The following CYFIP1 variants were observed in gnomAD, a reference collection of about 807,000 sequenced individuals.
The protein encoded by CYFIP1 is cytoplasmic FMR1 interacting protein 1, also known as cytoplasmic FMR1-interacting protein 1.
Under a neutral mutation model 163.5 loss-of-function variants are expected in CYFIP1, and 58 were observed. That is an observed-to-expected ratio of 0.35 (90% CI 0.29 to 0.44). CYFIP1 has a LOEUF of 0.44. Among genes scored for constraint, CYFIP1 ranks in the 20% least tolerant of loss-of-function variants. The probability of loss-of-function intolerance (pLI) is 1.00; values close to 1 mark genes in which losing one functional copy is unlikely to be tolerated. For missense variants in CYFIP1, 1,338 were observed against 1,653.8 expected, an observed-to-expected ratio of 0.81 and a Z score of 3.31; for synonymous variants, 663 against 660.7, an observed-to-expected ratio of 1.00 and a Z score of -0.05.
At chr15:22,928,653 A>G (rs923004844) in intron 11 of CYFIP1, among the ~76,000 whole-genome samples, 19 of 152,208 alleles carry the variant, frequency 1.2e-4, no homozygotes, top group African/African-American at 4.6e-4. Context: ...CTTCTATCAA[A>G]TAACCACCCC....
At position 22,867,186 on chromosome 15, in the gene CYFIP1, C is replaced by G; in HGVS notation, c.*2842G>C. The G allele has an allele frequency of 2.3e-6, 1 of 435,396 alleles. No homozygotes were observed. The highest frequency in any genetic ancestry group is 4.0e-6 in the Non-Finnish European group (1 of 249,012). 27.0% of individuals were successfully genotyped at this position (435,396 alleles called of 1,614,324 possible). ...ATTGGTGATGAAAGTCTGAAATGTG[C>G]ATTTGTCATCCCCACTCCATCAATC... On this transcript the variant is annotated 3_prime_UTR_variant, in exon 31 of 31. Transcript: ENST00000617928.
rs1489986504 is a variant in CYFIP1, at chr15:22,869,527, A to G, written c.*501T>C. The G allele has an allele frequency of 2.0e-5, 3 of 152,426 alleles. No individual in the cohort carries two copies. The highest frequency in any genetic ancestry group is 2.1e-4 in the South Asian group (1 of 4,842). 9.4% of individuals were successfully genotyped at this position (152,426 alleles called of 1,614,324 possible). A position where few individuals can be genotyped will look rare whatever the true frequency, so the allele number is the denominator to read the frequency against. The stretch of plus-strand genomic sequence containing the variant: ...TGATGTCACGTTAGATTTTGTCACA[A>G]CTGGATTTAGTGGAAGCAGGGGAAT... On this transcript the variant is annotated 3_prime_UTR_variant, in exon 31 of 31. Coordinates refer to ENST00000617928, the MANE Select transcript of CYFIP1 (RefSeq NM_014608.6).
At position 22,926,093 on chromosome 15, in the gene CYFIP1, A is replaced by G. The variant is rs759197442; in HGVS notation, c.1248T>C (p.Leu416=). 5 of 1,614,120 alleles carry G rather than the reference A, an allele frequency of 3.1e-6. No homozygotes were observed. The highest frequency in any genetic ancestry group is 4.2e-6 in the Non-Finnish European group (5 of 1,179,988). The change falls in exon 13 of 31, where the codon CTT becomes CTC. Residue 416 remains leucine, a synonymous_variant. Coordinates refer to ENST00000617928, the MANE Select transcript of CYFIP1 (RefSeq NM_014608.6). ...AHVMEVYSWK[L]VHPTDKYSNK... Reference sequence around the variant, plus strand: ...TGGAGTACTTGTCGGTGGGGTGCACAAGCTTCCAGGAATACTGTGGTGGCC... The same window carrying G: ...TGGAGTACTTGTCGGTGGGGTGCACGAGCTTCCAGGAATACTGTGGTGGCC...
intron 1 of CYFIP1, among the ~76,000 whole-genome samples, chr15:22,956,951 C>T (rs772910912): frequency 5.3e-5 from 8 of 152,266 alleles, no homozygotes; most frequent in Non-Finnish European, 8.8e-5. Context: ...GAGCTTTTCA[C>T]AGGGACCGAA....
At position 22,881,904 on chromosome 15, in the gene CYFIP1, C is replaced by T. The variant is rs200604107; in HGVS notation, c.2853G>A (p.Thr951=). ...LQGTILQYVK[T]LMEVMPKICR... is the part of the protein sequence containing the mutation. ...AGATCTTGGGCATCACCTCCATCAG[C>T]GTCTTCACGTACTGCAGGATTGTGC... The change falls in exon 25 of 31, where the codon ACG becomes ACA. Residue 951 remains threonine (T), a synonymous_variant. Transcript: ENST00000617928. 28 of 1,612,578 alleles carry T rather than the reference C, an allele frequency of 1.7e-5. No homozygotes were observed. The East Asian group carries it at 1.8e-4, about 10-fold the overall frequency.
chr15:22,934,868 C>CA (rs57985770), intron 9 of CYFIP1, among the ~76,000 whole-genome samples: 65,834 of 150,500 alleles, frequency 0.44, 15,011 homozygotes, highest in Middle Eastern at 0.6. Flanking sequence ...CAACAGCATC[C>CA]AAAAAAAAAT....
At position 22,943,369 on chromosome 15, in the gene CYFIP1, C is replaced by A. The variant is rs369274411; in HGVS notation, c.388-15G>T. The A allele has an allele frequency of 1.9e-6, 3 of 1,611,744 alleles. No homozygotes were observed. The African/African-American group carries it at 4.0e-5, about 22-fold the overall frequency. On this transcript the variant is annotated splice_polypyrimidine_tract_variant and intron_variant, in intron 5 of 30. Coordinates refer to ENST00000617928, the MANE Select transcript of CYFIP1 (RefSeq NM_014608.6). ...ATGGCATTTCTCTGTGCAGAGGAAG[C>A]AGGAGGGCAGAAAGCTGCAGGTCAG...
chr15:22,870,316 CT>C, intron 30 of CYFIP1, 124 bp from the exon 31 acceptor site: 1 of 1,216,300 alleles, frequency 8.2e-7, no homozygotes, highest in East Asian at 2.6e-5. Flanking sequence ...GACACACATA[CT>C]GTTCTTTTTG....
chr15:22,912,288 G>T lies in CYFIP1; in HGVS notation c.1986-13C>A. ...GTAGAGCACGTACCTGCAGAGGACA[G>T]CAGCAGTGTGACCAGCAGCCTCTGC... On this transcript the variant is annotated splice_polypyrimidine_tract_variant and intron_variant, in intron 17 of 30. Coordinates refer to ENST00000617928, the MANE Select transcript of CYFIP1 (RefSeq NM_014608.6). 6.3e-7 allele frequency: 1 copy of T among 1,595,250 alleles called. No individual in the cohort carries two copies. Among genetic ancestry groups the T allele is most frequent in the Non-Finnish European group, 8.6e-7 (1 of 1,168,946 alleles).
Position 22,963,546 on chromosome 15 carries a change from T to TAAC in CYFIP1, c.-6-16258_-6-16256dup, listed in dbSNP as rs201277584. ...TAACATAACATAACATAACATAACATAACATAACATAAGAAAGAATGAAAT... is the reference window on the plus strand; with the variant it reads ...TAACATAACATAACATAACATAACATAACAACATAACATAAGAAAGAATGAAAT... On this transcript the variant is annotated intron_variant, in intron 1 of 30. Transcript: ENST00000617928. Among the ~76,000 whole-genome samples the TAAC allele has an allele frequency of 2.2e-3, 293 of 134,736 alleles. 5 individuals carry two copies. In the East Asian group the frequency reaches 0.026, roughly 12 times the overall value. 88.4% of individuals were successfully genotyped at this position (134,736 alleles called of 152,430 possible). A position where few individuals can be genotyped will look rare whatever the true frequency, so the allele number is the denominator to read the frequency against.
intron 11 of CYFIP1, among the ~76,000 whole-genome samples, chr15:22,929,631 CAAAAAAA>C (rs35408380): frequency 2.4e-5 from 1 of 42,250 alleles, no homozygotes; most frequent in African/African-American, 1.1e-4. Flanking sequence ...GACTCTGTCT[CAAAAAAA>C]AAAAAAAAAA....
chr15:22,912,316 C>T (rs2060815274), intron 17 of CYFIP1, 41 bp from the exon 18 acceptor site: 5 of 1,490,422 alleles, frequency 3.4e-6, no homozygotes, highest in Non-Finnish European at 4.6e-6. Flanking sequence ...GCCTCTGCCA[C>T]TCACTCGCAG....
Position 22,909,403 on chromosome 15 carries a change from G to A in CYFIP1, c.2269-90C>T, listed in dbSNP as rs953002541. ...CCTCACCAGAGACCCTGGAGAAGCT[G>A]GTCTGTCAATAACGACACCCTTTAC... On this transcript the variant is annotated intron_variant, in intron 20 of 30. Transcript: ENST00000617928. 9 of 1,543,668 alleles carry A rather than the reference G, an allele frequency of 5.8e-6. No individual in the cohort carries two copies. In the Admixed American group the frequency reaches 1.6e-4, roughly 27 times the overall value.
At chr15:22,947,380 C>G in intron 1 of CYFIP1, 89 bp from the exon 2 acceptor site, 1 of 1,538,838 alleles carries the variant, frequency 6.5e-7, no homozygotes, top group East Asian at 2.3e-5. Flanking sequence ...GCCTCTAACC[C>G]CTTCCCGCTC....
At position 22,903,765 on chromosome 15, in the gene CYFIP1, G is replaced by A. The variant is rs375439515; in HGVS notation, c.2529C>T (p.Val843=). Residue 843 remains valine (V), a synonymous_variant, in exon 22 of 31, where the codon GTC becomes GTT. Transcript: ENST00000617928. The stretch of plus-strand genomic sequence containing the variant: ...GGAAGTCATAGTTGAGCTCCCAGAA[G>A]ACGTGCAGGGTGATCCTCCCGTAGG... The part of the protein sequence containing the change: ...SAPYGRITLH[V]FWELNYDFLP... 7.4e-6 allele frequency: 12 copies of A among 1,614,086 alleles called. No individual in the cohort carries two copies. In the Admixed American group the frequency reaches 8.3e-5, roughly 11 times the overall value.
At chr15:22,956,061 G>C (rs943913423) in intron 1 of CYFIP1, among the ~76,000 whole-genome samples, 3 of 152,106 alleles carry the variant, frequency 2.0e-5, no homozygotes, top group African/African-American at 7.2e-5. Context: ...ACAAAAATCA[G>C]CTGGGCATGG....
At chr15:22,951,967 G>C (rs1301367974) in intron 1 of CYFIP1, among the ~76,000 whole-genome samples, 1 of 152,230 alleles carries the variant, frequency 6.6e-6, no homozygotes, top group Non-Finnish European at 1.5e-5. Context: ...AAAAACGCCA[G>C]ATGCGCAGCT....
Position 22,868,839 on chromosome 15 carries a change from G to A in CYFIP1, c.*1189C>T, listed in dbSNP as rs1211539479. The stretch of plus-strand genomic sequence containing the variant: ...TCCAAATAATGTAAAATGACTGCCA[G>A]GCTACAATATAAAGTGAGTTCAGTT... On this transcript the variant is annotated 3_prime_UTR_variant, in exon 31 of 31. Transcript: ENST00000617928. The A allele has an allele frequency of 6.6e-6, 1 of 152,132 alleles. No individual in the cohort carries two copies. The highest frequency in any genetic ancestry group is 2.4e-5 in the African/African-American group (1 of 41,408). 9.4% of individuals were successfully genotyped at this position (152,132 alleles called of 1,614,324 possible). A position where few individuals can be genotyped will look rare whatever the true frequency, so the allele number is the denominator to read the frequency against.
intron 1 of CYFIP1, among the ~76,000 whole-genome samples, chr15:22,977,591 G>A (rs979440327): frequency 1.3e-5 from 2 of 152,162 alleles, no homozygotes; most frequent in Non-Finnish European, 2.9e-5. Context: ...AGCACGTTGG[G>A]AGGCCGAGGT....
Sources: gnomAD v4.1 joint callset for allele counts (sites outside exome capture counted in the v4.1 genomes callset) on GRCh38, gnomAD v4.1.1 for gene constraint, MANE v1.5 for transcripts, NCBI Gene and HGNC (gene_info 2026-07-23, HGNC 2026-07-21) for gene names.